Variants in ETV6 observed in about 807,000 individuals in gnomAD.
ETV6 encodes the protein transcription factor ETV6.
In ETV6, 16 loss-of-function variants were observed where a neutral mutation model predicts 51.1. That is an observed-to-expected ratio of 0.31 (90% CI 0.21 to 0.48). The LOEUF (loss-of-function observed/expected upper bound fraction) is 0.48, where lower values mean the gene tolerates loss of function less well. ETV6 is among the 20% of genes least tolerant of loss of function. ETV6 has a pLI of 0.99. For missense variants in ETV6, 458 were observed against 594.8 expected (o/e 0.77, Z 2.39); for synonymous variants, 240 against 224.1 (o/e 1.07, Z -0.64).
intron 1 of ETV6, among the ~76,000 whole-genome samples, chr12:11,735,119 A>G (rs944408666): frequency 1.8e-5 from 2 of 109,152 alleles, no homozygotes; most frequent in Admixed American, 1.3e-4. Context: ...TTTTACTAAT[A>G]CTAGGTCCTG....
Position 11,760,876 on chromosome 12 carries a change from A to ATGTGTGTGTGTG in ETV6, c.163+8298_163+8299insGTGTGTGTGTGT, listed in dbSNP as rs1285515591. On this transcript the variant is annotated intron_variant, in intron 2 of 7. Transcript: ENST00000396373. ...ATAATGATCACTACTATTATTATATATATGTGTGTGTGTGTGTGTGTGTGT... is the reference window on the plus strand; with the variant it reads ...ATAATGATCACTACTATTATTATATATGTGTGTGTGTGTATGTGTGTGTGTGTGTGTGTGTGT... 2.8e-4 allele frequency among the ~76,000 whole-genome samples: 20 copies of ATGTGTGTGTGTG among 71,918 alleles called. No individual in the cohort carries two copies. The South Asian group carries it at 7.6e-3, about 27-fold the overall frequency. 47.2% of individuals were successfully genotyped at this position (71,918 alleles called of 152,430 possible).
intron 1 of ETV6, among the ~76,000 whole-genome samples, chr12:11,724,686 A>G (rs148723881): frequency 6.6e-6 from 1 of 152,196 alleles, no homozygotes. Context: ...GAAAAATAAT[A>G]AGCCTTAGAG....
intron 1 of ETV6, among the ~76,000 whole-genome samples, chr12:11,668,888 T>A (rs1490315844): frequency 1.3e-5 from 2 of 152,136 alleles, no homozygotes; most frequent in Admixed American, 6.5e-5. Flanking sequence ...CTTTGGCACA[T>A]CCCTGTGCTC....
intron 2 of ETV6, among the ~76,000 whole-genome samples, chr12:11,756,055 C>A (rs1392329601): frequency 6.6e-6 from 1 of 152,184 alleles, no homozygotes; most frequent in African/African-American, 2.4e-5. Context: ...TATACCCAAA[C>A]TGAAGACACA....
At chr12:11,821,780 C>G (rs1032503568) in intron 2 of ETV6, among the ~76,000 whole-genome samples, 7 of 152,130 alleles carry the variant, frequency 4.6e-5, no homozygotes, top group Admixed American at 3.3e-4. Context: ...TTCGAGGCTG[C>G]AGTGAACCAT....
At chr12:11,667,214 A>G (rs1430666159) in intron 1 of ETV6, among the ~76,000 whole-genome samples, 1 of 152,164 alleles carries the variant, frequency 6.6e-6, no homozygotes, top group East Asian at 1.9e-4. Flanking sequence ...TAGTAGTTGA[A>G]CAGAATTTTT....
At chr12:11,726,079 C>T (rs1333837399) in intron 1 of ETV6, among the ~76,000 whole-genome samples, 2 of 152,224 alleles carry the variant, frequency 1.3e-5, no homozygotes, top group Non-Finnish European at 2.9e-5. Flanking sequence ...CTACATCCAG[C>T]TGTGTATCCA....
rs10491985 is a variant in ETV6, at chr12:11,657,200, A to G, written c.33+7040A>G. Among the ~76,000 whole-genome samples the G allele has an allele frequency of 0.018, 2,797 of 152,338 alleles. 145 individuals are homozygous for G. The East Asian group carries it at 0.21, about 12-fold the overall frequency. On this transcript the variant is annotated intron_variant, in intron 1 of 7. Coordinates refer to ENST00000396373, the MANE Select transcript of ETV6 (RefSeq NM_001987.5). The stretch of plus-strand genomic sequence containing the variant: ...TCAGAGAGCATTATCCAAATTTGTC[A>G]TGAAGCAAATGAGGAAACTGAGTCT...
chr12:11,657,893 G>A (rs1028024756), intron 1 of ETV6, among the ~76,000 whole-genome samples: 2 of 152,196 alleles, frequency 1.3e-5, no homozygotes, highest in African/African-American at 4.8e-5. Flanking sequence ...ATTGTAAGGT[G>A]CTCAGAAAAG....
At chr12:11,821,291 G>A (rs547227623) in intron 2 of ETV6, among the ~76,000 whole-genome samples, 157 of 152,276 alleles carry the variant, frequency 1.0e-3, no homozygotes, top group Admixed American at 1.6e-3. Flanking sequence ...GTGTGAACCC[G>A]GGAGGTGGAG....
chr12:11,749,841 A>G (rs1288939509), intron 1 of ETV6, among the ~76,000 whole-genome samples: 4 of 152,200 alleles, frequency 2.6e-5, no homozygotes, highest in Non-Finnish European at 4.4e-5. Flanking sequence ...TGCCATGGCT[A>G]CTAGAAGAGT....
chr12:11,772,720 C>T (rs1002406533), intron 2 of ETV6, among the ~76,000 whole-genome samples: 1 of 152,194 alleles, frequency 6.6e-6, no homozygotes, highest in Non-Finnish European at 1.5e-5. Flanking sequence ...ATTAAAAGAA[C>T]AACTAAGAAT....
In ETV6 at chr12:11,846,477, A is replaced by G. The variant is rs180946332; in HGVS notation, c.329-6950A>G. On this transcript the variant is annotated intron_variant, in intron 3 of 7. Coordinates refer to ENST00000396373, the MANE Select transcript of ETV6 (RefSeq NM_001987.5). ...GAGGCTCTAGGTAGCATTGCAGATG[A>G]TGCGAAACATTGATTCCAGCCTTCT... 1.1e-4 allele frequency among the ~76,000 whole-genome samples: 16 copies of G among 152,360 alleles called. No individual in the cohort carries two copies. The East Asian group carries it at 3.1e-3, about 29-fold the overall frequency.
chr12:11,859,496 G>A (rs183571891), intron 4 of ETV6, among the ~76,000 whole-genome samples: 1 of 152,160 alleles, frequency 6.6e-6, no homozygotes, highest in East Asian at 1.9e-4. Context: ...TCCTTGTTGT[G>A]TGCCGGCCCT....
intron 2 of ETV6, among the ~76,000 whole-genome samples, chr12:11,781,724 G>A (rs1198013726): frequency 2.0e-5 from 3 of 152,164 alleles, no homozygotes; most frequent in Non-Finnish European, 4.4e-5. Context: ...TAAAATATAT[G>A]CCTTTACATT....
chr12:11,837,622 A>AT (rs953234406), intron 2 of ETV6, among the ~76,000 whole-genome samples: 4 of 152,132 alleles, frequency 2.6e-5, no homozygotes, highest in African/African-American at 9.7e-5. Flanking sequence ...ATGAAAGGTA[A>AT]TTTTTTCCAG....
chr12:11,855,139 C>CAAA (rs34202702), intron 4 of ETV6, among the ~76,000 whole-genome samples: 9 of 138,042 alleles, frequency 6.5e-5, no homozygotes, highest in African/African-American at 1.9e-4. Context: ...ACTAAAAATA[C>CAAA]AAAAAAAAAA....
chr12:11,882,403 C>T (rs1212799843), intron 5 of ETV6, among the ~76,000 whole-genome samples: 2 of 152,170 alleles, frequency 1.3e-5, no homozygotes, highest in African/African-American at 2.4e-5. Context: ...TGTGTCATAG[C>T]ATGGGTTTTG....
chr12:11,689,279 G>A (rs540531632), intron 1 of ETV6, among the ~76,000 whole-genome samples: 3 of 152,278 alleles, frequency 2.0e-5, no homozygotes, highest in African/African-American at 7.2e-5. Flanking sequence ...AAAACCTAGA[G>A]TAAGTAGAGG....
Sources: allele counts gnomAD v4.1 joint callset (sites outside exome capture counted in the v4.1 genomes callset), GRCh38; gene constraint gnomAD v4.1.1; transcripts MANE v1.5; gene names NCBI Gene and HGNC (gene_info 2026-07-23, HGNC 2026-07-21).